COL23A1: variants seen among roughly 807,000 people sequenced by gnomAD.
COL23A1 encodes collagen type XXIII alpha 1 chain.
Under a neutral mutation model 99.3 loss-of-function variants are expected in COL23A1, and 97 were observed. That is an observed-to-expected ratio of 0.98 (90% CI 0.83 to 1.16). COL23A1 has a LOEUF of 1.16. COL23A1 is among the 50% of genes most tolerant of loss of function. COL23A1 has a pLI of 0.00. For synonymous variants in COL23A1, 320 were observed against 308.2 expected (o/e 1.04, Z -0.40); for missense variants, 762 against 757.4 (o/e 1.01, Z -0.07).
intron 12 of COL23A1, among the ~76,000 whole-genome samples, chr5:178,258,843 T>A (rs1311028119): frequency 6.6e-6 from 1 of 151,636 alleles, no homozygotes; most frequent in Non-Finnish European, 1.5e-5. Flanking sequence ...TACAGATGCA[T>A]GCCACTGCAC....
rs142732419 is a variant in COL23A1, at chr5:178,304,568, C to T, written c.406+2307G>A. Among the ~76,000 whole-genome samples the T allele has an allele frequency of 1.0e-3, 152 of 151,380 alleles. 2 individuals carry two copies. In the South Asian group the frequency reaches 0.022, roughly 22 times the overall value. On this transcript the variant is annotated intron_variant, in intron 3 of 28. Transcript: ENST00000390654. ...CCAAGAGACACAGGAAAAAGGCCTC[C>T]GGCCTCCTTATACAAGGGAAGGCAT...
rs192337299 is a variant in COL23A1 at position 178,379,648 on chromosome 5, G to A, written c.362-72729C>T. Among the ~76,000 whole-genome samples the A allele has an allele frequency of 1.1e-4, 17 of 152,282 alleles. No homozygotes were observed. In the East Asian group the frequency reaches 1.9e-3, roughly 17 times the overall value. ...TGTAATCCCAGGACTTTGGGAGGCC[G>A]AGGTGGGCGGATCACCGGAGGTCGG... is the stretch of plus-strand genomic sequence containing the variant. On this transcript the variant is annotated intron_variant, in intron 2 of 28. Transcript: ENST00000390654.
rs898868540 is a variant in COL23A1 at position 178,589,572 on chromosome 5, G to A, written c.294+332C>T. ...ATCTTTATCCCCGACTCTGGCCGCC[G>A]GCGGGAAGCGGCGTGTCCGAGCGCA... On this transcript the variant is annotated intron_variant, in intron 1 of 28. Transcript: ENST00000390654. This position sits in a 1 kb window ranked among gnomAD's most constrained non-coding sequence, Gnocchi z 5.4. Among the ~76,000 whole-genome samples the A allele has an allele frequency of 2.0e-5, 3 of 152,202 alleles. No homozygotes were observed. The highest frequency in any genetic ancestry group is 4.4e-5 in the Non-Finnish European group (3 of 68,040).
chr5:178,357,100 C>T (rs1421024505), intron 2 of COL23A1, among the ~76,000 whole-genome samples: 2 of 152,232 alleles, frequency 1.3e-5, no homozygotes, highest in Non-Finnish European at 2.9e-5. Context: ...TCCCTTTACT[C>T]GATGCTGTTC....
intron 2 of COL23A1, among the ~76,000 whole-genome samples, chr5:178,472,577 CAG>C (rs1317602603): frequency 9.3e-5 from 10 of 107,760 alleles, no homozygotes; most frequent in Middle Eastern, 4.6e-3. Flanking sequence ...GCAACGGCTG[CAG>C]CAGCATCCAT....
At chr5:178,523,077 G>C (rs1446240317) in intron 2 of COL23A1, among the ~76,000 whole-genome samples, 5 of 150,366 alleles carry the variant, frequency 3.3e-5, no homozygotes, top group East Asian at 1.9e-4. Flanking sequence ...GAGGCAGGCA[G>C]ATCACCTGAG....
intron 9 of COL23A1, among the ~76,000 whole-genome samples, chr5:178,262,881 G>A (rs2127554342): frequency 6.6e-6 from 1 of 152,264 alleles, no homozygotes; most frequent in African/African-American, 2.4e-5. Context: ...TGAATTGGGG[G>A]CGTAGACCAG....
intron 2 of COL23A1, among the ~76,000 whole-genome samples, chr5:178,429,787 C>T (rs1292483916): frequency 6.6e-6 from 1 of 152,200 alleles, no homozygotes; most frequent in African/African-American, 2.4e-5. Flanking sequence ...CCATGGCCTA[C>T]TGGCTACCGT....
At chr5:178,576,937 G>A (rs773511943) in intron 1 of COL23A1, among the ~76,000 whole-genome samples, 18 of 151,732 alleles carry the variant, frequency 1.2e-4, no homozygotes, top group Non-Finnish European at 2.4e-4. Flanking sequence ...TCAGCCCCGC[G>A]GAGACGTCTT....
chr5:178,253,302 T>C (rs1765130901), intron 16 of COL23A1, among the ~76,000 whole-genome samples: 1 of 124,820 alleles, frequency 8.0e-6, no homozygotes, highest in African/African-American at 3.0e-5. Context: ...CTCCCTATCC[T>C]GTGCCCTTCT....
chr5:178,573,388 T>C (rs1243628401), intron 1 of COL23A1, among the ~76,000 whole-genome samples: 1 of 152,210 alleles, frequency 6.6e-6, no homozygotes, highest in African/African-American at 2.4e-5. Flanking sequence ...TGTGAGAGCG[T>C]CTGGCCCGGC....
At chr5:178,570,602 A>G (rs1248498183) in intron 1 of COL23A1, among the ~76,000 whole-genome samples, 2 of 152,226 alleles carry the variant, frequency 1.3e-5, no homozygotes, top group Non-Finnish European at 2.9e-5. Context: ...TTCTGCCTAA[A>G]CAACATCAAC....
chr5:178,589,897 C>T lies in COL23A1; in HGVS notation c.294+7G>A. 1 of 1,309,392 alleles carries T rather than the reference C, an allele frequency of 7.6e-7. No individual in the cohort carries two copies. The highest frequency in any genetic ancestry group is 9.7e-7 in the Non-Finnish European group (1 of 1,035,002). The allele number at this position is 1,309,392 out of a possible 1,614,324, so 81.1% of individuals were successfully genotyped here. On this transcript the variant is annotated splice_region_variant and intron_variant, in intron 1 of 28. Transcript: ENST00000390654. The surrounding 1 kb of genome is among the most constrained non-coding windows in gnomAD (Gnocchi z 5.4). The stretch of plus-strand genomic sequence containing the variant: ...AGTCCGCCCCAGCCACGCGCCAAGA[C>T]GCTCACCTCCCGCAGCAGGCGCTCC...
intron 2 of COL23A1, among the ~76,000 whole-genome samples, chr5:178,546,683 A>C (rs1179658787): frequency 2.0e-5 from 3 of 152,206 alleles, no homozygotes; most frequent in Non-Finnish European, 4.4e-5. Flanking sequence ...TGAAGGGAAA[A>C]CAGAAAACTG....
intron 2 of COL23A1, among the ~76,000 whole-genome samples, chr5:178,399,303 A>C (rs890648290): frequency 6.6e-6 from 1 of 152,156 alleles, no homozygotes; most frequent in African/African-American, 2.4e-5. Context: ...CAGGAGTCAA[A>C]GGGAGGGCCC....
intron 1 of COL23A1, among the ~76,000 whole-genome samples, chr5:178,566,644 CCTCT>C (rs1762855166): frequency 6.6e-6 from 1 of 151,936 alleles, no homozygotes; most frequent in African/African-American, 2.4e-5. Flanking sequence ...GATGAAATCC[CCTCT>C]CTACTAAAAA....
intron 3 of COL23A1, among the ~76,000 whole-genome samples, chr5:178,295,821 T>C (rs998724074): frequency 6.6e-6 from 1 of 152,260 alleles, no homozygotes. Flanking sequence ...GATATGGAAC[T>C]ATCTCCAGGG....
intron 2 of COL23A1, among the ~76,000 whole-genome samples, chr5:178,361,144 TCTTA>T (rs908008247): frequency 6.6e-6 from 1 of 152,216 alleles, no homozygotes; most frequent in African/African-American, 2.4e-5. Flanking sequence ...CTTTAAACTT[TCTTA>T]CTTAAATAAA....
chr5:178,371,068 T>C (rs1039596990), intron 2 of COL23A1, among the ~76,000 whole-genome samples: 4 of 152,246 alleles, frequency 2.6e-5, no homozygotes, highest in African/African-American at 4.8e-5. Context: ...CATGAGCTAA[T>C]GGATGTTCAT....
Sources: allele counts gnomAD v4.1 joint callset (sites outside exome capture counted in the v4.1 genomes callset), GRCh38; gene constraint gnomAD v4.1.1; non-coding constraint Gnocchi (gnomAD v3.1); transcripts MANE v1.5; gene names NCBI Gene and HGNC (gene_info 2026-07-23, HGNC 2026-07-21).